Variants in ANGPT2 observed in about 807,000 individuals in gnomAD.
ANGPT2 encodes the protein angiopoietin 2.
ANGPT2 carries 28 observed loss-of-function variants against 62.9 expected under a neutral mutation model. That is an observed-to-expected ratio of 0.44 (90% CI 0.33 to 0.61). The LOEUF is 0.61. ANGPT2 is among the 20% of genes least tolerant of loss of function. ANGPT2 has a pLI of 0.03. For missense variants in ANGPT2, 727 were observed against 594.9 expected (o/e 1.22, Z -2.31); for synonymous variants, 284 against 207.8 (o/e 1.37, Z -3.15).
chr8:6,522,253 G>C (rs2129569494), intron 3 of ANGPT2, among the ~76,000 whole-genome samples: 1 of 152,248 alleles, frequency 6.6e-6, no homozygotes, highest in South Asian at 2.1e-4. Context: ...TACTCTGGAG[G>C]CTGAGGCAGG....
chr8:6,504,296 C>A (rs546950579), intron 8 of ANGPT2, among the ~76,000 whole-genome samples: 60 of 120,560 alleles, frequency 5.0e-4, no homozygotes, highest in Non-Finnish European at 8.1e-4. Flanking sequence ...CCAGCCTGGG[C>A]GACAGAGTGA....
Position 6,532,423 on chromosome 8 carries a change from T to C in ANGPT2, c.353A>G (p.Gln118Arg). The C allele has an allele frequency of 3.7e-6, 6 of 1,614,176 alleles. No homozygotes were observed. Among genetic ancestry groups the C allele is most frequent in the Non-Finnish European group, 5.1e-6 (6 of 1,179,998 alleles). Residue 118 changes from glutamine to arginine, a missense_variant, in exon 2 of 9, where the codon CAG becomes CGG. Coordinates refer to ENST00000629816, the MANE Select transcript of ANGPT2 (RefSeq NM_001118887.2). ...TTCTATCATCACAGCCGTCTGGTTCTGTACTGCATTCTGCTGTATCTCTAC... is the reference window on the plus strand; with the variant it reads ...TTCTATCATCACAGCCGTCTGGTTCCGTACTGCATTCTGCTGTATCTCTAC... ...EMVEIQQNAVQNQTAVMIEIG... is the reference protein window; with the variant it reads ...EMVEIQQNAVRNQTAVMIEIG...
At chr8:6,536,581 G>C (rs193158699) in intron 1 of ANGPT2, among the ~76,000 whole-genome samples, 1 of 152,260 alleles carries the variant, frequency 6.6e-6, no homozygotes, top group East Asian at 1.9e-4. Context: ...GGAGCATCCT[G>C]ACAAAAGAAT....
At position 6,499,786 on chromosome 8, in the gene ANGPT2, T is replaced by G. The variant is rs2916715; in HGVS notation, c.*3315A>C. 160 of 1,432,018 alleles carry G rather than the reference T, an allele frequency of 1.1e-4. 2 individuals are homozygous for G. The highest frequency in any genetic ancestry group is 9.2e-4 in the South Asian group (80 of 87,338). The allele number at this position is 1,432,018 out of a possible 1,614,324, so 88.7% of individuals were successfully genotyped here. A position where few individuals can be genotyped will look rare whatever the true frequency, so the allele number is the denominator to read the frequency against. On this transcript the variant is annotated 3_prime_UTR_variant, in exon 9 of 9. Coordinates refer to ENST00000629816, the MANE Select transcript of ANGPT2 (RefSeq NM_001118887.2). Reference sequence around the variant, plus strand: ...ACTTTTTGCTGTGTCTTCAAAGTGATTCTTGGTTTATTGCCTGCTAAGGCT... The same window carrying G: ...ACTTTTTGCTGTGTCTTCAAAGTGAGTCTTGGTTTATTGCCTGCTAAGGCT...
intron 1 of ANGPT2, among the ~76,000 whole-genome samples, chr8:6,556,015 C>G (rs1824548500): frequency 6.6e-6 from 1 of 152,152 alleles, no homozygotes; most frequent in African/African-American, 2.4e-5. Context: ...GCTGTGGGGA[C>G]TTGGTATCTC....
At chr8:6,539,952 C>G (rs1315283286) in intron 1 of ANGPT2, among the ~76,000 whole-genome samples, 2 of 152,160 alleles carry the variant, frequency 1.3e-5, no homozygotes, top group Non-Finnish European at 2.9e-5. Context: ...CCTACTTTCG[C>G]TAGTATAAGA....
chr8:6,530,112 G>C (rs1027384011), intron 2 of ANGPT2, among the ~76,000 whole-genome samples: 1 of 151,856 alleles, frequency 6.6e-6, no homozygotes, highest in Admixed American at 6.6e-5. Context: ...GACATTTTTT[G>C]GATGAGCTAT....
At chr8:6,545,245 T>C (rs534731676) in intron 1 of ANGPT2, among the ~76,000 whole-genome samples, 4 of 152,344 alleles carry the variant, frequency 2.6e-5, no homozygotes, top group Non-Finnish European at 5.9e-5. Flanking sequence ...AAATGTTTCC[T>C]AGATCTTGAC....
intron 1 of ANGPT2, among the ~76,000 whole-genome samples, chr8:6,548,952 G>A (rs974142647): frequency 1.3e-5 from 2 of 152,160 alleles, no homozygotes; most frequent in Non-Finnish European, 2.9e-5. Flanking sequence ...AACCTGGGGG[G>A]AATTATGTTT....
intron 1 of ANGPT2, among the ~76,000 whole-genome samples, chr8:6,558,510 C>T (rs867262914): frequency 5.3e-5 from 8 of 152,278 alleles, no homozygotes; most frequent in African/African-American, 1.9e-4. Flanking sequence ...ATGGTAAGAC[C>T]ATTATCCTTC....
chr8:6,505,371 T>C (rs1420092166), intron 8 of ANGPT2, among the ~76,000 whole-genome samples: 3 of 55,222 alleles, frequency 5.4e-5, no homozygotes, highest in Non-Finnish European at 8.4e-5. Context: ...GTATATAGAA[T>C]ATATATATTC....
At chr8:6,529,331 A>C (rs1208609477) in intron 2 of ANGPT2, among the ~76,000 whole-genome samples, 2 of 152,210 alleles carry the variant, frequency 1.3e-5, no homozygotes, top group Non-Finnish European at 2.9e-5. Context: ...TTCTAATCAG[A>C]AATTTTCAGA....
At chr8:6,555,373 AG>A (rs1479294099) in intron 1 of ANGPT2, among the ~76,000 whole-genome samples, 1 of 152,214 alleles carries the variant, frequency 6.6e-6, no homozygotes, top group African/African-American at 2.4e-5. Flanking sequence ...CTTCCAGAAC[AG>A]GGCTGTAACT....
intron 8 of ANGPT2, among the ~76,000 whole-genome samples, chr8:6,503,881 C>T (rs889298178): frequency 6.6e-6 from 1 of 152,146 alleles, no homozygotes. Flanking sequence ...AATTTCTGGG[C>T]TTGGCCAAAA....
chr8:6,528,449 T>G (rs1028052156), intron 2 of ANGPT2, among the ~76,000 whole-genome samples: 3 of 152,234 alleles, frequency 2.0e-5, no homozygotes, highest in Admixed American at 2.0e-4. Flanking sequence ...ATATAGATAA[T>G]TTTTAGCCTG....
chr8:6,533,478 T>C (rs940653978), intron 1 of ANGPT2, among the ~76,000 whole-genome samples: 3 of 152,008 alleles, frequency 2.0e-5, no homozygotes, highest in Non-Finnish European at 2.9e-5. Flanking sequence ...ATAGGGTTTC[T>C]GGTTGGTCAG....
In ANGPT2 at chr8:6,513,955, C is replaced by G. The variant is rs1982386; in HGVS notation, c.1030-111G>C. ...AATAACTATCAAATAGCAGAAATTC[C>G]TTCTGGTGCTGTGACAATTTAGGGT... On this transcript the variant is annotated intron_variant, in intron 6 of 8. Transcript: ENST00000629816. 2,637 of 1,052,964 alleles carry G rather than the reference C, an allele frequency of 2.5e-3. 8 individuals carry two copies. Among genetic ancestry groups the G allele is most frequent in the Non-Finnish European group, 3.2e-3 (2,395 of 744,812 alleles). 65.2% of individuals were successfully genotyped at this position (1,052,964 alleles called of 1,614,324 possible). A position where few individuals can be genotyped will look rare whatever the true frequency, so the allele number is the denominator to read the frequency against.
chr8:6,561,099 G>C (rs1379833905), intron 1 of ANGPT2, among the ~76,000 whole-genome samples: 1 of 152,196 alleles, frequency 6.6e-6, no homozygotes, highest in East Asian at 1.9e-4. Context: ...GATATAGTTT[G>C]CCTTCCACAT....
intron 1 of ANGPT2, among the ~76,000 whole-genome samples, chr8:6,546,145 G>T (rs1822540312): frequency 6.6e-6 from 1 of 152,216 alleles, no homozygotes; most frequent in African/African-American, 2.4e-5. Context: ...ACTGTGCTAT[G>T]CTAGTGTGAA....
Sources: allele counts gnomAD v4.1 joint callset (sites outside exome capture counted in the v4.1 genomes callset), GRCh38; gene constraint gnomAD v4.1.1; transcripts MANE v1.5; gene names NCBI Gene and HGNC (gene_info 2026-07-23, HGNC 2026-07-21).